CDH22: variants seen among roughly 807,000 people sequenced by gnomAD.
CDH22 encodes the protein cadherin 22, also known as cadherin-22.
Under a neutral mutation model 58.4 loss-of-function variants are expected in CDH22, and 30 were observed. The ratio of observed to expected loss-of-function variants is 0.51; its 90% confidence interval spans 0.38 to 0.70. The LOEUF (loss-of-function observed/expected upper bound fraction) is 0.70, where lower values mean the gene tolerates loss of function less well. Ranked by LOEUF, CDH22 falls within the 30% of genes least tolerant of loss-of-function variation. CDH22 has a pLI of 0.00. For synonymous variants in CDH22, 513 were observed against 558.2 expected (o/e 0.92, Z 1.14); for missense variants, 1,014 against 1,233.9 (o/e 0.82, Z 2.67).
At position 46,178,782 on chromosome 20, in the gene CDH22, C is replaced by A. The variant is rs2085762625; in HGVS notation, c.1664-585G>T. Among the ~76,000 whole-genome samples the A allele has an allele frequency of 7.9e-5, 12 of 152,128 alleles. 1 individual carries two copies. The South Asian group carries it at 2.3e-3, about 29-fold the overall frequency. The stretch of plus-strand genomic sequence containing the variant: ...TGGCATCTGCCTTTGGCTGTGGGAT[C>A]TTTCTGTCCTTCATACCCCAAGGCC... On this transcript the variant is annotated intron_variant, in intron 10 of 11. Coordinates refer to ENST00000537909, the MANE Select transcript of CDH22 (RefSeq NM_021248.3).
intron 1 of CDH22, among the ~76,000 whole-genome samples, chr20:46,292,293 C>G (rs1304312961): frequency 6.6e-6 from 1 of 152,218 alleles, no homozygotes; most frequent in Non-Finnish European, 1.5e-5. Flanking sequence ...CCATGAGCAG[C>G]CCGTCCTTTT....
chr20:46,183,526 T>C (rs2085803089), intron 10 of CDH22, among the ~76,000 whole-genome samples: 1 of 152,192 alleles, frequency 6.6e-6, no homozygotes, highest in South Asian at 2.1e-4. Flanking sequence ...ACTCCTAGGC[T>C]CAAGTGATTC....
chr20:46,271,979 C>T (rs368360911), intron 1 of CDH22, among the ~76,000 whole-genome samples: 2 of 152,204 alleles, frequency 1.3e-5, no homozygotes, highest in African/African-American at 4.8e-5. Context: ...ATTCCTCTTC[C>T]CTAAAACTGA....
At chr20:46,237,520 T>C (rs1294228776) in intron 3 of CDH22, among the ~76,000 whole-genome samples, 2 of 152,200 alleles carry the variant, frequency 1.3e-5, no homozygotes, top group Non-Finnish European at 2.9e-5. Context: ...CTGGAGTCTC[T>C]GCAAGCACCA....
chr20:46,293,673 T>G (rs1009896140), intron 1 of CDH22, among the ~76,000 whole-genome samples: 9 of 152,056 alleles, frequency 5.9e-5, no homozygotes, highest in Non-Finnish European at 1.2e-4. Flanking sequence ...AGAGAGGTGG[T>G]CTGTGTTCTT....
intron 4 of CDH22, among the ~76,000 whole-genome samples, chr20:46,221,132 T>C (rs545217502): frequency 1.6e-4 from 24 of 152,290 alleles, no homozygotes; most frequent in African/African-American, 5.8e-4. Flanking sequence ...CTGCCAGCTG[T>C]CCCAGTGAAG....
intron 1 of CDH22, among the ~76,000 whole-genome samples, chr20:46,271,200 G>T (rs1243943819): frequency 6.6e-6 from 1 of 152,158 alleles, no homozygotes; most frequent in Non-Finnish European, 1.5e-5. Context: ...AGCCCTCCAA[G>T]GTAGGCACTG....
chr20:46,278,688 A>G (rs1478830999), intron 1 of CDH22, among the ~76,000 whole-genome samples: 1 of 152,064 alleles, frequency 6.6e-6, no homozygotes, highest in African/African-American at 2.4e-5. Context: ...AGGCTAAGCA[A>G]TCCTCCCACC....
intron 7 of CDH22, among the ~76,000 whole-genome samples, chr20:46,204,176 C>T (rs1171517836): frequency 2.0e-5 from 3 of 152,014 alleles, no homozygotes; most frequent in South Asian, 2.1e-4. Context: ...GGGAGGATCA[C>T]GAGGTCAGGA....
rs2086289692 is a variant in CDH22, at chr20:46,241,462, G to C, written c.256-205C>G. ...TCCTCAGCCCGCTGGGGCCCTCCCT[G>C]CCCCTGGACTCTGCTTTCCCCTCTG... On this transcript the variant is annotated intron_variant, in intron 2 of 11. Transcript: ENST00000537909. The surrounding 1 kb of genome is among the most constrained non-coding windows in gnomAD (Gnocchi z 5.2). Among the ~76,000 whole-genome samples, 1 of 152,160 alleles carries C rather than the reference G, an allele frequency of 6.6e-6. No homozygotes were observed. Among genetic ancestry groups the C allele is most frequent in the Non-Finnish European group, 1.5e-5 (1 of 68,030 alleles).
At chr20:46,215,541 A>G (rs1236707099) in intron 5 of CDH22, among the ~76,000 whole-genome samples, 2 of 152,202 alleles carry the variant, frequency 1.3e-5, no homozygotes, top group Non-Finnish European at 2.9e-5. Flanking sequence ...GTTGGGGAAG[A>G]GGCTATGATC....
chr20:46,262,533 T>C (rs2086438404), intron 1 of CDH22, among the ~76,000 whole-genome samples: 1 of 152,184 alleles, frequency 6.6e-6, no homozygotes, highest in East Asian at 1.9e-4. Flanking sequence ...AAGCCCAGAC[T>C]CAGGCCTAGC....
intron 1 of CDH22, among the ~76,000 whole-genome samples, chr20:46,290,120 T>C (rs6032754): frequency 0.35 from 53,084 of 152,020 alleles, 10,481 homozygotes; most frequent in African/African-American, 0.54. Flanking sequence ...GGTCAAGAAA[T>C]GAAAACTTTG....
At chr20:46,284,201 G>C (rs576771370) in intron 1 of CDH22, among the ~76,000 whole-genome samples, 1 of 151,560 alleles carries the variant, frequency 6.6e-6, no homozygotes, top group Non-Finnish European at 1.5e-5. Flanking sequence ...TCTTCCTGGA[G>C]TGCATGACAG....
At chr20:46,189,898 A>G (rs1455447939) in intron 8 of CDH22, among the ~76,000 whole-genome samples, 2 of 151,574 alleles carry the variant, frequency 1.3e-5, no homozygotes, top group Admixed American at 1.3e-4. Context: ...GTACATCACA[A>G]TCACCTGGAG....
chr20:46,277,666 C>T (rs1423138765), intron 1 of CDH22, among the ~76,000 whole-genome samples: 1 of 151,718 alleles, frequency 6.6e-6, no homozygotes, highest in Non-Finnish European at 1.5e-5. Context: ...GAGGAGGGCC[C>T]GCCCCCCACT....
At chr20:46,265,263 A>G (rs988308733) in intron 1 of CDH22, among the ~76,000 whole-genome samples, 51 of 152,180 alleles carry the variant, frequency 3.4e-4, no homozygotes, top group African/African-American at 1.2e-3. Context: ...GCAGAGTCCC[A>G]GGAGGCCCTT....
chr20:46,218,579 C>T (rs1040268812), intron 4 of CDH22, among the ~76,000 whole-genome samples: 1 of 152,190 alleles, frequency 6.6e-6, no homozygotes, highest in Non-Finnish European at 1.5e-5. Flanking sequence ...CATGCACACT[C>T]ATAGCTACCA....
chr20:46,306,182 C>T (rs1347622648), intron 1 of CDH22, among the ~76,000 whole-genome samples: 2 of 152,258 alleles, frequency 1.3e-5, no homozygotes, highest in East Asian at 1.9e-4. Context: ...GTCTTCTTGT[C>T]CTGCCTGCAG....
Sources: allele counts gnomAD v4.1 joint callset (sites outside exome capture counted in the v4.1 genomes callset), GRCh38; gene constraint gnomAD v4.1.1; non-coding constraint Gnocchi (gnomAD v3.1); transcripts MANE v1.5; gene names NCBI Gene and HGNC (gene_info 2026-07-23, HGNC 2026-07-21).